The following CACNA1I variants were observed in gnomAD, a reference collection of about 807,000 sequenced individuals.
CACNA1I encodes calcium voltage-gated channel subunit alpha1 I.
CACNA1I carries 74 observed loss-of-function variants against 201.6 expected under a neutral mutation model. The ratio of observed to expected loss-of-function variants is 0.37; its 90% CI spans 0.30 to 0.45. The LOEUF (loss-of-function observed/expected upper bound fraction) is 0.45. CACNA1I is among the 20% of genes least tolerant of loss of function. The pLI, the probability that CACNA1I is intolerant of heterozygous loss-of-function variation, is 1.00. For synonymous variants in CACNA1I, 1,431 were observed against 1,345.2 expected, an observed-to-expected ratio of 1.06 and a Z score of -1.40; for missense variants, 2,346 against 3,138.1, an observed-to-expected ratio of 0.75 and a Z score of 6.03.
chr22:39,574,103 G>A (rs1454664120), intron 1 of CACNA1I, among the ~76,000 whole-genome samples: 1 of 152,202 alleles, frequency 6.6e-6, no homozygotes, highest in African/African-American at 2.4e-5. Context: ...AACTTTAAAG[G>A]TGTCAGCTCT....
intron 10 of CACNA1I, among the ~76,000 whole-genome samples, chr22:39,655,730 T>C (rs1885434796): frequency 6.6e-6 from 1 of 152,148 alleles, no homozygotes; most frequent in Non-Finnish European, 1.5e-5. Flanking sequence ...CTCCTTGGGC[T>C]CCCACTTGCT....
chr22:39,633,546 G>A (rs935180851), intron 4 of CACNA1I, among the ~76,000 whole-genome samples: 3 of 152,242 alleles, frequency 2.0e-5, no homozygotes, highest in Non-Finnish European at 4.4e-5. Context: ...CAGGGCTGCG[G>A]TGGCTGAATA....
Position 39,666,001 on chromosome 22 carries a change from G to A in CACNA1I, c.4099G>A (p.Gly1367Ser). Residue 1367 changes from glycine (G) to serine (S), a missense_variant, in exon 23 of 37, where the codon GGC (glycine) becomes AGC (serine). Transcript: ENST00000402142. The surrounding 1 kb of genome is among the most constrained non-coding windows in gnomAD (Gnocchi z 4.1). ...TCACAAATACAACTTCGACAACCTGGGCCAGGTGAGCACCACCGTCCTAGC... is the reference window on the plus strand; with the variant it reads ...TCACAAATACAACTTCGACAACCTGAGCCAGGTGAGCACCACCGTCCTAGC... ...VHHKYNFDNLGQALMSLFVLA... is the reference protein window; with the variant it reads ...VHHKYNFDNLSQALMSLFVLA... 6.2e-7 allele frequency: 1 copy of A among 1,613,480 alleles called. No homozygotes were observed. Among genetic ancestry groups the A allele is most frequent in the Non-Finnish European group, 8.5e-7 (1 of 1,179,764 alleles).
chr22:39,653,594 TG>T (rs1376386707), intron 10 of CACNA1I, among the ~76,000 whole-genome samples: 1 of 152,118 alleles, frequency 6.6e-6, no homozygotes, highest in Non-Finnish European at 1.5e-5. Flanking sequence ...GGAGGCAGCA[TG>T]GGGGGCCTTG....
intron 4 of CACNA1I, among the ~76,000 whole-genome samples, chr22:39,626,041 C>G (rs1933890990): frequency 6.6e-6 from 1 of 152,186 alleles, no homozygotes; most frequent in African/African-American, 2.4e-5. Flanking sequence ...AGCTCAGGGG[C>G]AGCCCTGAGC....
chr22:39,621,666 A>G (rs1933747606), intron 4 of CACNA1I, among the ~76,000 whole-genome samples: 1 of 152,156 alleles, frequency 6.6e-6, no homozygotes, highest in Non-Finnish European at 1.5e-5. Flanking sequence ...CAAGGTCACA[A>G]TACGATAGAA....
chr22:39,618,225 CTGTGTGCAGGTGTGTGGTTGTGTGCCTG>C (rs1318444107), intron 3 of CACNA1I, among the ~76,000 whole-genome samples: 1 of 114,414 alleles, frequency 8.7e-6, no homozygotes, highest in Non-Finnish European at 2.1e-5. Context: ...TGGTGTGTGA[CTGTGTGCAGGTGTGTGGTTGTGTGCCTG>C]TGTGTGTGTG....
rs151147807 is a variant in CACNA1I, at chr22:39,583,221, A to AATCCATCC, written c.236+12248_236+12255dup. ...CAATCCATCCATCCATCCATCCAAC[A>AATCCATCC]ATCCATCCATCCATCCATCCATTCA... On this transcript the variant is annotated intron_variant, in intron 1 of 36. Coordinates refer to ENST00000402142, the MANE Select transcript of CACNA1I (RefSeq NM_021096.4). 1.1e-4 allele frequency among the ~76,000 whole-genome samples: 12 copies of AATCCATCC among 113,534 alleles called. No homozygotes were observed. The East Asian group carries it at 1.1e-3, about 11-fold the overall frequency. The allele number at this position is 113,534 out of a possible 152,430, so 74.5% of individuals were successfully genotyped here.
rs1472537135 is a variant in CACNA1I, at chr22:39,670,189, G to A, written c.4346G>A (p.Arg1449His). 29 of 1,613,752 alleles carry A rather than the reference G, an allele frequency of 1.8e-5. No homozygotes were observed. The highest frequency in any genetic ancestry group is 4.4e-5 in the South Asian group (4 of 91,082). Residue 1449 changes from arginine (R) to histidine (H), a missense_variant, in exon 25 of 37, where the codon CGT (arginine) becomes CAT (histidine). Arg to His is a conservative substitution (Grantham distance 29). This residue lies in a region of CACNA1I where 228 missense variants were observed against 395.7 expected (regional missense o/e 0.58). Transcript: ENST00000402142. ...CAGGAGGCTGAAGAGGCACGGCGGC[G>A]TGAGGAGAAGCGGCTGCGGCGCCTG... Reference protein sequence around the residue: ...QHQEAEEARRREEKRLRRLEK... With the variant: ...QHQEAEEARRHEEKRLRRLEK...
Position 39,673,099 on chromosome 22 carries a change from G to A in CACNA1I, c.4783+17G>A, listed in dbSNP as rs201315417. The A allele has an allele frequency of 1.9e-6, 3 of 1,610,240 alleles. No homozygotes were observed. The highest frequency in any genetic ancestry group is 1.1e-5 in the South Asian group (1 of 90,508). On this transcript the variant is annotated intron_variant, in intron 28 of 36. Coordinates refer to ENST00000402142, the MANE Select transcript of CACNA1I (RefSeq NM_021096.4). ...TTGCCCGAGGTGAGGGGCAAGGGGTGGGACAGGGAACGGGGACAAGCAGGG... is the reference window on the plus strand; with the variant it reads ...TTGCCCGAGGTGAGGGGCAAGGGGTAGGACAGGGAACGGGGACAAGCAGGG...
chr22:39,611,622 G>A (rs556648003), intron 3 of CACNA1I, among the ~76,000 whole-genome samples: 5 of 152,214 alleles, frequency 3.3e-5, no homozygotes, highest in Non-Finnish European at 7.3e-5. Flanking sequence ...TTCACGGGAG[G>A]CAGACATCAT....
At chr22:39,670,987 A>G in intron 26 of CACNA1I, 33 bp downstream of exon 26, 1 of 1,610,494 alleles carries the variant, frequency 6.2e-7, no homozygotes, top group Non-Finnish European at 8.5e-7. Flanking sequence ...GCCCAAGGTT[A>G]CAAGGTGAGG....
chr22:39,673,067 C>A lies in CACNA1I; in HGVS notation c.4768C>A (p.Leu1590Met). The change falls in exon 28 of 37, where the codon CTG becomes ATG. Residue 1590 changes from leucine to methionine, a missense_variant. Coordinates refer to ENST00000402142, the MANE Select transcript of CACNA1I (RefSeq NM_021096.4). ...NPTIIRIMRV[L>M]RIARVLKLLK... ...CACCATCATCCGCATCATGAGGGTT[C>A]TGCGCATTGCCCGAGGTGAGGGGCA... 1 of 1,611,828 alleles carries A rather than the reference C, an allele frequency of 6.2e-7. No homozygotes were observed. Among genetic ancestry groups the A allele is most frequent in the Non-Finnish European group, 8.5e-7 (1 of 1,178,760 alleles).
In CACNA1I at chr22:39,648,568, C is replaced by T. The variant is rs1172146276; in HGVS notation, c.1567+642C>T. 6.6e-6 allele frequency among the ~76,000 whole-genome samples: 1 copy of T among 152,066 alleles called. No homozygotes were observed. Among genetic ancestry groups the T allele is most frequent in the Non-Finnish European group, 1.5e-5 (1 of 68,008 alleles). On this transcript the variant is annotated intron_variant, in intron 9 of 36. Coordinates refer to ENST00000402142, the MANE Select transcript of CACNA1I (RefSeq NM_021096.4). This position sits in a 1 kb window ranked among gnomAD's most constrained non-coding sequence, Gnocchi z 5.4. ...GACCCCTGGGTTCCTGGCTGCCCGC[C>T]CTGACTCCAGAGGTGTGAATGAGCC...
chr22:39,607,902 G>T (rs558059425), intron 3 of CACNA1I, among the ~76,000 whole-genome samples: 2 of 150,706 alleles, frequency 1.3e-5, no homozygotes, highest in East Asian at 1.9e-4. Flanking sequence ...AGGCGGGGGG[G>T]GGTCACCTGA....
chr22:39,580,475 G>T (rs571233329), intron 1 of CACNA1I, among the ~76,000 whole-genome samples: 2 of 152,328 alleles, frequency 1.3e-5, no homozygotes, highest in African/African-American at 4.8e-5. Context: ...GAACTGCAAG[G>T]CTGTCCCTGA....
rs1465407637 is a variant in CACNA1I, at chr22:39,662,230, C to T, written c.3167C>T (p.Thr1056Met). 2 of 1,529,080 alleles carry T rather than the reference C, an allele frequency of 1.3e-6. No homozygotes were observed. The highest frequency in any genetic ancestry group is 1.8e-6 in the Non-Finnish European group (2 of 1,142,200). The allele number at this position is 1,529,080 out of a possible 1,614,324, so 94.7% of individuals were successfully genotyped here. ...LAHRHRHHRR[T>M]LSLDNRDSVD... is the part of the protein sequence containing the mutation. ...CACCGCCACCGCCACCACCGCCGGA[C>T]GCTGTCCCTCGACAACAGGGACTCG... The change falls in exon 17 of 37, where the codon ACG becomes ATG. Residue 1056 changes from threonine (T) to methionine (M), a missense_variant. Physicochemically the swap from Thr to Met is moderately conservative, Grantham distance 81. Transcript: ENST00000402142.
chr22:39,579,650 T>C (rs75053772), intron 1 of CACNA1I, among the ~76,000 whole-genome samples: 1 of 34,030 alleles, frequency 2.9e-5, no homozygotes, highest in Non-Finnish European at 6.8e-5. Flanking sequence ...TTCAAGCTCT[T>C]TTTTTTTTTT....
chr22:39,578,036 G>C (rs1277572889), intron 1 of CACNA1I, among the ~76,000 whole-genome samples: 1 of 152,094 alleles, frequency 6.6e-6, no homozygotes, highest in Non-Finnish European at 1.5e-5. Context: ...TGGAGCTGAC[G>C]GAGTCGCTGA....
Sources: gnomAD v4.1 joint callset for allele counts (sites outside exome capture counted in the v4.1 genomes callset) on GRCh38, gnomAD v4.1.1 for gene constraint, gnomAD v4.1.1 regional missense constraint, Gnocchi (gnomAD v3.1) non-coding constraint, MANE v1.5 for transcripts, NCBI Gene and HGNC (gene_info 2026-07-23, HGNC 2026-07-21) for gene names.